Variants in TXN2 observed in about 807,000 individuals in gnomAD.
TXN2 encodes the protein thioredoxin, mitochondrial.
In TXN2, 12 loss-of-function variants were observed where a neutral mutation model predicts 14.6. That is an observed-to-expected ratio of 0.82 (90% CI 0.53 to 1.33). TXN2 has a LOEUF of 1.33. TXN2 is among the 40% of genes most tolerant of loss of function. The pLI is 0.00. For synonymous variants in TXN2, 89 were observed against 81.0 expected (o/e 1.10, Z -0.53); for missense variants, 173 against 207.7 (o/e 0.83, Z 1.03).
chr22:36,467,737 G>A lies in TXN2; in HGVS notation c.*67C>T. ...CAGGAGGGAGGCAGCAGGAAGGGCT[G>A]GCATGGAAGGGCTGAGTTCTATTGG... On this transcript the variant is annotated 3_prime_UTR_variant, in exon 4 of 4. Transcript: ENST00000216185. The A allele has an allele frequency of 7.4e-7, 1 of 1,351,992 alleles. No individual in the cohort carries two copies. Among genetic ancestry groups the A allele is most frequent in the East Asian group, 2.3e-5 (1 of 43,600 alleles). The allele number at this position is 1,351,992 out of a possible 1,614,324, so 83.7% of individuals were successfully genotyped here.
intron 3 of TXN2, among the ~76,000 whole-genome samples, chr22:36,469,995 T>A (rs1326431650): frequency 6.6e-6 from 1 of 152,070 alleles, no homozygotes; most frequent in Admixed American, 6.6e-5. Context: ...CAGAACAAGA[T>A]AAACACAGAC....
rs567597373 is a variant in TXN2 at position 36,478,576 on chromosome 22, G to A, written c.264-1720C>T. On this transcript the variant is annotated intron_variant, in intron 2 of 3. Transcript: ENST00000216185. ...GCGATCTCGGCTCACTGCAACTTCC[G>A]CCTCCCGGGTTCAAGCAATTCTCCT... is the stretch of plus-strand genomic sequence containing the variant. 7.1e-3 allele frequency among the ~76,000 whole-genome samples: 1,080 copies of A among 152,090 alleles called. 9 individuals are homozygous for A. Among genetic ancestry groups the A allele is most frequent in the Non-Finnish European group, 9.4e-3 (639 of 67,994 alleles).
intron 3 of TXN2, 119 bp downstream of exon 3, chr22:36,476,614 A>G: frequency 7.0e-7 from 1 of 1,437,778 alleles, no homozygotes; most frequent in Non-Finnish European, 9.3e-7. Flanking sequence ...CTCTGGAAAA[A>G]CCAAGACACC....
At chr22:36,478,552 C>A (rs11089792) in intron 2 of TXN2, among the ~76,000 whole-genome samples, 1 of 151,802 alleles carries the variant, frequency 6.6e-6, no homozygotes, top group Non-Finnish European at 1.5e-5. Context: ...TGCAATGGCG[C>A]GATCTCGGCT....
In TXN2 at chr22:36,479,583, C is replaced by T. The variant is rs138285328; in HGVS notation, c.263+992G>A. Reference sequence around the variant, plus strand: ...CTGACCTCAGGTAATCCACCTGCCTCGGCCTCTGAAAGTGCTGGGATTACA... The same window carrying T: ...CTGACCTCAGGTAATCCACCTGCCTTGGCCTCTGAAAGTGCTGGGATTACA... On this transcript the variant is annotated intron_variant, in intron 2 of 3. Transcript: ENST00000216185. 7.0e-3 allele frequency among the ~76,000 whole-genome samples: 1,065 copies of T among 152,152 alleles called. 4 individuals are homozygous for T. The highest frequency in any genetic ancestry group is 0.014 in the Middle Eastern group (4 of 294).
In TXN2 at chr22:36,480,646, G is replaced by T. The variant is rs377748933; in HGVS notation, c.192C>A (p.Ile64=). The change falls in exon 2 of 4, where the codon ATC becomes ATA. Residue 64 remains isoleucine (I), a synonymous_variant. Transcript: ENST00000216185. ...GGTCTTGAAAGTCAGGTCCATCCTG[G>T]ATATTAAAGGTTGTCAAGGAGATCC... is the stretch of plus-strand genomic sequence containing the variant. The part of the protein sequence containing the change: ...TTRISLTTFN[I]QDGPDFQDRV... 6.2e-7 allele frequency: 1 copy of T among 1,614,162 alleles called. No individual in the cohort carries two copies.
chr22:36,469,917 T>C (rs1218921256), intron 3 of TXN2, among the ~76,000 whole-genome samples: 1 of 152,098 alleles, frequency 6.6e-6, no homozygotes, highest in Non-Finnish European at 1.5e-5. Flanking sequence ...GATTGTGCCA[T>C]TGCATTCCAG....
chr22:36,476,067 A>C (rs5756204), intron 3 of TXN2, among the ~76,000 whole-genome samples: 1 of 152,006 alleles, frequency 6.6e-6, no homozygotes. Flanking sequence ...CTTGCTTGGA[A>C]ACAAGATCTC....
At chr22:36,480,183 G>A (rs572517533) in intron 2 of TXN2, among the ~76,000 whole-genome samples, 4 of 152,260 alleles carry the variant, frequency 2.6e-5, no homozygotes, top group Non-Finnish European at 5.9e-5. Context: ...GCACCCGGCC[G>A]ACACTGATAA....
At chr22:36,477,500 G>A (rs1374571408) in intron 2 of TXN2, among the ~76,000 whole-genome samples, 2 of 152,136 alleles carry the variant, frequency 1.3e-5, no homozygotes, top group Non-Finnish European at 2.9e-5. Context: ...GAGCCACCGC[G>A]CCCGGCCTGG....
At chr22:36,471,192 G>A (rs1429727060) in intron 3 of TXN2, among the ~76,000 whole-genome samples, 2 of 152,178 alleles carry the variant, frequency 1.3e-5, no homozygotes, top group African/African-American at 4.8e-5. Context: ...TGTGAAAGAG[G>A]CAGTGACTGA....
At chr22:36,470,640 G>A (rs866792052) in intron 3 of TXN2, among the ~76,000 whole-genome samples, 1 of 152,092 alleles carries the variant, frequency 6.6e-6, no homozygotes, top group Non-Finnish European at 1.5e-5. Flanking sequence ...CGTTCCTTAA[G>A]AACTCCAGAT....
At chr22:36,470,952 AACAC>A (rs1374543483) in intron 3 of TXN2, among the ~76,000 whole-genome samples, 2 of 151,942 alleles carry the variant, frequency 1.3e-5, no homozygotes, top group Admixed American at 6.6e-5. Context: ...GTTGAGCTTA[AACAC>A]ACACACGCAT....
At chr22:36,477,380 T>C (rs1443703628) in intron 2 of TXN2, among the ~76,000 whole-genome samples, 1 of 152,210 alleles carries the variant, frequency 6.6e-6, no homozygotes, top group African/African-American at 2.4e-5. Context: ...GCTAATTTTT[T>C]GTATTTTTTA....
chr22:36,469,462 C>T (rs1260361880), intron 3 of TXN2, among the ~76,000 whole-genome samples: 1 of 152,204 alleles, frequency 6.6e-6, no homozygotes, highest in Non-Finnish European at 1.5e-5. Flanking sequence ...CATACACAAC[C>T]TGACGCTTAT....
intron 3 of TXN2, among the ~76,000 whole-genome samples, chr22:36,470,978 T>C (rs574401299): frequency 1.4e-4 from 21 of 147,798 alleles, no homozygotes; most frequent in South Asian, 6.3e-4. Context: ...CACACATATA[T>C]ACACACACAC....
chr22:36,477,902 C>T (rs949617269), intron 2 of TXN2, among the ~76,000 whole-genome samples: 1 of 151,960 alleles, frequency 6.6e-6, no homozygotes, highest in Non-Finnish European at 1.5e-5. Context: ...TTTGGGAGGC[C>T]GAGGCAGGCG....
At chr22:36,475,111 C>T (rs1290241361) in intron 3 of TXN2, among the ~76,000 whole-genome samples, 2 of 152,274 alleles carry the variant, frequency 1.3e-5, no homozygotes, top group African/African-American at 2.4e-5. Context: ...GGCGCGGTGG[C>T]TTACGCCTGT....
At chr22:36,473,309 C>T (rs1458118422) in intron 3 of TXN2, among the ~76,000 whole-genome samples, 2 of 151,990 alleles carry the variant, frequency 1.3e-5, no homozygotes, top group East Asian at 1.9e-4. Flanking sequence ...TGGGCGTGGT[C>T]GTGGGCACCT....
Sources: allele counts gnomAD v4.1 joint callset (sites outside exome capture counted in the v4.1 genomes callset), GRCh38; gene constraint gnomAD v4.1.1; transcripts MANE v1.5; gene names NCBI Gene and HGNC (gene_info 2026-07-23, HGNC 2026-07-21).